The following NCKAP5 variants were observed in gnomAD, a reference collection of about 807,000 sequenced individuals.
NCKAP5 encodes NCK associated protein 5.
In NCKAP5, 92 loss-of-function variants were observed where a neutral mutation model predicts 167.0. That is an observed-to-expected ratio of 0.55 (90% confidence interval 0.47 to 0.66). The LOEUF (loss-of-function observed/expected upper bound fraction) is 0.66, where lower values mean the gene tolerates loss of function less well. Ranked by LOEUF, NCKAP5 falls within the 30% of genes least tolerant of loss-of-function variation. The pLI is 0.00. For missense variants in NCKAP5, 2,378 were observed against 2,315.0 expected, an observed-to-expected ratio of 1.03 and a Z score of -0.56; for synonymous variants, 891 against 877.4, an observed-to-expected ratio of 1.02 and a Z score of -0.27.
chr2:133,143,016 C>T (rs866111877), intron 5 of NCKAP5, among the ~76,000 whole-genome samples: 3 of 152,024 alleles, frequency 2.0e-5, no homozygotes, highest in African/African-American at 7.2e-5. Context: ...ACATTTTCAT[C>T]CTTTTTATAT....
At chr2:133,123,870 T>C (rs1192954482) in intron 6 of NCKAP5, 2 of 467,576 alleles carry the variant, frequency 4.3e-6, no homozygotes, top group African/African-American at 4.0e-5. Flanking sequence ...GGGTAGAACA[T>C]TTAAGGGCAT....
intron 3 of NCKAP5, among the ~76,000 whole-genome samples, chr2:133,377,860 A>G (rs1230021317): frequency 6.6e-6 from 1 of 152,180 alleles, no homozygotes; most frequent in Non-Finnish European, 1.5e-5. Flanking sequence ...CTAAGCCCCA[A>G]ACTGGCCTTG....
chr2:133,611,355 G>T, the NCKAP5 span, among the ~76,000 whole-genome samples: 40 of 150,284 alleles, frequency 2.7e-4, no homozygotes, highest in African/African-American at 9.3e-4. Context: ...AGTCCTCCAC[G>T]GTGATACCCA....
chr2:133,216,892 G>A (rs1380323105), intron 4 of NCKAP5, among the ~76,000 whole-genome samples: 1 of 152,074 alleles, frequency 6.6e-6, no homozygotes, highest in Non-Finnish European at 1.5e-5. Flanking sequence ...CATTGCATTT[G>A]ATTTCCAAAG....
chr2:132,746,842 T>C (rs1679686965), intron 16 of NCKAP5, among the ~76,000 whole-genome samples: 2 of 152,130 alleles, frequency 1.3e-5, no homozygotes, highest in East Asian at 1.9e-4. Context: ...AAAAGCATTA[T>C]GCTTATTAAG....
chr2:132,778,976 TA>T (rs1682785994), intron 15 of NCKAP5, among the ~76,000 whole-genome samples: 1 of 152,170 alleles, frequency 6.6e-6, no homozygotes. Context: ...ATTTTACATT[TA>T]AAAAAATGAC....
chr2:133,597,395 C>T, the NCKAP5 span, among the ~76,000 whole-genome samples: 3 of 152,110 alleles, frequency 2.0e-5, no homozygotes, highest in Admixed American at 1.3e-4. Flanking sequence ...GCTGGCTGGG[C>T]GCAGTGGCTC....
intron 16 of NCKAP5, among the ~76,000 whole-genome samples, chr2:132,735,606 A>G (rs1285831038): frequency 6.6e-6 from 1 of 151,836 alleles, no homozygotes; most frequent in Admixed American, 6.6e-5. Flanking sequence ...GGCCTAATAC[A>G]CCTCTAGCTT....
intron 16 of NCKAP5, among the ~76,000 whole-genome samples, chr2:132,762,261 T>C (rs1167292065): frequency 1.3e-5 from 2 of 149,514 alleles, no homozygotes; most frequent in Non-Finnish European, 3.0e-5. Context: ...AGTAATGTAA[T>C]ATGCATGATT....
intron 5 of NCKAP5, among the ~76,000 whole-genome samples, chr2:133,153,692 T>C (rs17736771): frequency 0.21 from 32,365 of 151,858 alleles, 3,626 homozygotes; most frequent in African/African-American, 0.24. Flanking sequence ...CCACTGTGCT[T>C]CTGGCATATC....
chr2:132,859,111 G>T (rs1192138979), intron 11 of NCKAP5, among the ~76,000 whole-genome samples: 1 of 152,114 alleles, frequency 6.6e-6, no homozygotes, highest in Non-Finnish European at 1.5e-5. Flanking sequence ...AGAGATAGAT[G>T]ACTTCGCTCC....
At chr2:133,431,973 A>C (rs1690187732) in intron 3 of NCKAP5, among the ~76,000 whole-genome samples, 1 of 152,170 alleles carries the variant, frequency 6.6e-6, no homozygotes, top group African/African-American at 2.4e-5. Flanking sequence ...AGAAGAAATA[A>C]ATTTGTTTCT....
At chr2:133,231,615 C>T (rs1195190371) in intron 4 of NCKAP5, among the ~76,000 whole-genome samples, 1 of 152,062 alleles carries the variant, frequency 6.6e-6, no homozygotes, top group Non-Finnish European at 1.5e-5. Flanking sequence ...GCTATTTGCT[C>T]TGAAACAACA....
At chr2:133,141,410 G>GA (rs71398587) in intron 5 of NCKAP5, among the ~76,000 whole-genome samples, 11,239 of 137,960 alleles carry the variant, frequency 0.081, 676 homozygotes, top group East Asian at 0.39. Context: ...TAGTGGAAAG[G>GA]AAAAAAAAAA....
intron 12 of NCKAP5, among the ~76,000 whole-genome samples, chr2:132,793,298 G>A (rs893767636): frequency 3.9e-5 from 6 of 152,150 alleles, no homozygotes; most frequent in African/African-American, 9.7e-5. Flanking sequence ...GTGAGCCACC[G>A]TGCCCAGCCG....
At chr2:132,943,950 C>T (rs1379709319) in intron 8 of NCKAP5, among the ~76,000 whole-genome samples, 1 of 152,178 alleles carries the variant, frequency 6.6e-6, no homozygotes, top group Admixed American at 6.5e-5. Context: ...AAGAGTTGTG[C>T]AGCATGTGTA....
At chr2:133,547,216 C>G (rs191341955) in intron 2 of NCKAP5, among the ~76,000 whole-genome samples, 1 of 152,172 alleles carries the variant, frequency 6.6e-6, no homozygotes. Context: ...ACACCTGGCT[C>G]GGAGGGTCCT....
intron 5 of NCKAP5, among the ~76,000 whole-genome samples, chr2:133,195,523 G>A (rs368070726): frequency 1.2e-4 from 19 of 152,226 alleles, no homozygotes; most frequent in African/African-American, 4.6e-4. Context: ...TTGGATGAAA[G>A]TTCTCCATAA....
At chr2:133,046,865 C>G (rs1262113201) in intron 6 of NCKAP5, among the ~76,000 whole-genome samples, 1 of 152,124 alleles carries the variant, frequency 6.6e-6, no homozygotes, top group Admixed American at 6.5e-5. Flanking sequence ...CATAAGGGGT[C>G]GAGAGAACAG....
Sources: allele counts gnomAD v4.1 joint callset (sites outside exome capture counted in the v4.1 genomes callset), GRCh38; gene constraint gnomAD v4.1.1; transcripts MANE v1.5; gene names NCBI Gene and HGNC (gene_info 2026-07-23, HGNC 2026-07-21).